NPFFR2: variants seen among roughly 807,000 people sequenced by gnomAD.
NPFFR2 encodes the protein G-protein coupled receptor 74.
A neutral mutation model predicts 13.1 loss-of-function variants in NPFFR2; 15 were observed. The ratio of observed to expected loss-of-function variants is 1.15; its 90% CI spans 0.77 to 1.76. NPFFR2 has a LOEUF of 1.76. Ranked by LOEUF, NPFFR2 falls within the 40% of genes most tolerant of loss-of-function variation. The pLI is 0.00. For synonymous variants in NPFFR2, 190 were observed against 175.7 expected (o/e 1.08, Z -0.65); for missense variants, 572 against 503.5 (o/e 1.14, Z -1.30).
At chr4:72,059,921 G>T (rs976891344) in intron 1 of NPFFR2, among the ~76,000 whole-genome samples, 1 of 152,066 alleles carries the variant, frequency 6.6e-6, no homozygotes, top group African/African-American at 2.4e-5. Flanking sequence ...AATCCTGGAA[G>T]ACCTGGTTAT....
At chr4:72,067,498 ATGGTCTCT>A (rs1375041636) in intron 1 of NPFFR2, among the ~76,000 whole-genome samples, 1 of 152,118 alleles carries the variant, frequency 6.6e-6, no homozygotes, top group East Asian at 1.9e-4. Context: ...ATCTTATCAA[ATGGTCTCT>A]TGGGTATACC....
intron 1 of NPFFR2, among the ~76,000 whole-genome samples, chr4:72,054,549 T>A (rs1719687101): frequency 6.6e-6 from 1 of 151,528 alleles, no homozygotes; most frequent in Non-Finnish European, 1.5e-5. Flanking sequence ...TAAGAGAAAA[T>A]TTTTGCAAAC....
At chr4:72,079,326 TG>T (rs1162815622) in intron 1 of NPFFR2, among the ~76,000 whole-genome samples, 1 of 152,156 alleles carries the variant, frequency 6.6e-6, no homozygotes, top group Non-Finnish European at 1.5e-5. Context: ...TAGTTCCTAT[TG>T]AAAAAAACAT....
At chr4:72,086,713 T>C (rs926632678) in intron 1 of NPFFR2, among the ~76,000 whole-genome samples, 1 of 152,132 alleles carries the variant, frequency 6.6e-6, no homozygotes, top group African/African-American at 2.4e-5. Flanking sequence ...ATTAACCATA[T>C]TGTATGCTAT....
chr4:72,105,419 T>C (rs1014967544), intron 1 of NPFFR2, among the ~76,000 whole-genome samples: 20 of 152,008 alleles, frequency 1.3e-4, no homozygotes, highest in Non-Finnish European at 2.6e-4. Context: ...GGAATAACTA[T>C]GAAGCAAGAC....
intron 1 of NPFFR2, among the ~76,000 whole-genome samples, chr4:72,037,360 T>C (rs1232688368): frequency 2.0e-5 from 3 of 148,762 alleles, no homozygotes; most frequent in African/African-American, 7.5e-5. Flanking sequence ...GCCATGATTA[T>C]GCCACTGCAC....
intron 1 of NPFFR2, among the ~76,000 whole-genome samples, chr4:72,106,688 G>T (rs1192414590): frequency 6.6e-6 from 1 of 151,998 alleles, no homozygotes; most frequent in Non-Finnish European, 1.5e-5. Context: ...AGAATGACAA[G>T]CTGGAGATGA....
At chr4:72,040,875 T>C (rs1408977584) in intron 1 of NPFFR2, among the ~76,000 whole-genome samples, 1 of 150,990 alleles carries the variant, frequency 6.6e-6, no homozygotes, top group Admixed American at 6.6e-5. Context: ...TATTCCATCT[T>C]TTGCCTGTTA....
At chr4:72,136,329 C>A (rs1383034378) in intron 2 of NPFFR2, among the ~76,000 whole-genome samples, 2 of 152,012 alleles carry the variant, frequency 1.3e-5, no homozygotes, top group Non-Finnish European at 2.9e-5. Flanking sequence ...CTACAGTGAA[C>A]CATGATCACG....
At chr4:72,038,901 C>CTTTTTTTTTT (rs34623356) in intron 1 of NPFFR2, among the ~76,000 whole-genome samples, 99 of 86,948 alleles carry the variant, frequency 1.1e-3, no homozygotes, top group Middle Eastern at 0.013. Context: ...TTTAAATTTC[C>CTTTTTTTTTT]TTTCTTTTTT....
chr4:72,054,690 CA>C (rs1221064708), intron 1 of NPFFR2, among the ~76,000 whole-genome samples: 1 of 151,620 alleles, frequency 6.6e-6, no homozygotes, highest in African/African-American at 2.4e-5. Flanking sequence ...GTTGAGAAAA[CA>C]AAGAGACAAA....
intron 1 of NPFFR2, among the ~76,000 whole-genome samples, chr4:72,122,422 T>G (rs1392489966): frequency 6.6e-6 from 1 of 152,080 alleles, no homozygotes. Flanking sequence ...TCTACAGAAC[T>G]CTCCAGCCCA....
intron 1 of NPFFR2, among the ~76,000 whole-genome samples, chr4:72,050,505 G>A (rs1329518382): frequency 6.6e-6 from 1 of 151,848 alleles, no homozygotes; most frequent in East Asian, 1.9e-4. Context: ...CAGACTCTTT[G>A]CAGCAATAAA....
intron 1 of NPFFR2, among the ~76,000 whole-genome samples, chr4:72,095,649 G>A (rs1306122172): frequency 6.6e-6 from 1 of 152,114 alleles, no homozygotes; most frequent in African/African-American, 2.4e-5. Flanking sequence ...TGGCTGGTGG[G>A]GAGAGGCACT....
At chr4:72,125,117 A>G (rs367896841) in intron 1 of NPFFR2, among the ~76,000 whole-genome samples, 31 of 152,354 alleles carry the variant, frequency 2.0e-4, no homozygotes, top group African/African-American at 7.2e-4. Flanking sequence ...TGGGTGAAGG[A>G]TACGAACAGA....
intron 1 of NPFFR2, among the ~76,000 whole-genome samples, chr4:72,059,508 A>G (rs1719861181): frequency 6.6e-6 from 1 of 152,112 alleles, no homozygotes; most frequent in South Asian, 2.1e-4. Flanking sequence ...GCAATTTAAC[A>G]GGGATGTAAG....
intron 1 of NPFFR2, among the ~76,000 whole-genome samples, chr4:72,115,444 G>A (rs1721685811): frequency 6.6e-6 from 1 of 152,144 alleles, no homozygotes; most frequent in African/African-American, 2.4e-5. Context: ...TATGTTCGCT[G>A]TGACTGGGAG....
intron 1 of NPFFR2, among the ~76,000 whole-genome samples, chr4:72,090,242 G>C (rs1039468727): frequency 6.6e-6 from 1 of 152,138 alleles, no homozygotes; most frequent in Non-Finnish European, 1.5e-5. Flanking sequence ...AGCATAGTTT[G>C]AAGTCAGGTA....
intron 1 of NPFFR2, among the ~76,000 whole-genome samples, chr4:72,038,150 G>T (rs1341231438): frequency 6.6e-6 from 1 of 152,068 alleles, no homozygotes; most frequent in African/African-American, 2.4e-5. Flanking sequence ...CCTGGGAATC[G>T]TGAGTCTCAG....
Sources: gnomAD v4.1 joint callset for allele counts (sites outside exome capture counted in the v4.1 genomes callset) on GRCh38, gnomAD v4.1.1 for gene constraint, MANE v1.5 for transcripts, NCBI Gene and HGNC (gene_info 2026-07-23, HGNC 2026-07-21) for gene names.